Variants in SLC17A8 observed in about 807,000 individuals in gnomAD.
The protein encoded by SLC17A8 is solute carrier family 17 member 8, also known as vesicular glutamate transporter 3.
Under a neutral mutation model 58.0 loss-of-function variants are expected in SLC17A8, and 31 were observed. The observed-to-expected ratio is 0.53, with a 90% CI of 0.40 to 0.72. The LOEUF (loss-of-function observed/expected upper bound fraction) is 0.72. Ranked by LOEUF, SLC17A8 falls within the 30% of genes least tolerant of loss-of-function variation. The pLI, the probability that SLC17A8 is intolerant of heterozygous loss-of-function variation, is 0.00. For synonymous variants in SLC17A8, 228 were observed against 249.0 expected (o/e 0.92, Z 0.79); for missense variants, 655 against 727.8 (o/e 0.90, Z 1.15).
In SLC17A8 at chr12:100,380,848, G is replaced by T. The variant is rs936789110; in HGVS notation, c.249G>T (p.Gly83=). Residue 83 remains glycine (G), a synonymous_variant, in exon 2 of 12, where the codon GGG becomes GGT. Transcript: ENST00000323346. The part of the protein sequence containing the change: ...PKRYIIAIMS[G]LGFCISFGIR... Reference sequence around the variant, plus strand: ...GTTACATCATTGCTATCATGAGTGGGCTGGGATTCTGCATTTCCTTTGGGA... The same window carrying T: ...GTTACATCATTGCTATCATGAGTGGTCTGGGATTCTGCATTTCCTTTGGGA... The T allele has an allele frequency of 2.5e-6, 4 of 1,614,146 alleles. No individual in the cohort carries two copies. Among genetic ancestry groups the T allele is most frequent in the Non-Finnish European group, 3.4e-6 (4 of 1,180,048 alleles).
chr12:100,382,030 G>C (rs1323517492), intron 2 of SLC17A8, among the ~76,000 whole-genome samples: 1 of 152,214 alleles, frequency 6.6e-6, no homozygotes, highest in African/African-American at 2.4e-5. Context: ...TTTTGGTTAA[G>C]AGTGAAAATA....
At chr12:100,404,493 G>A (rs1952812857) in intron 9 of SLC17A8, 21 of 279,678 alleles carry the variant, frequency 7.5e-5, no homozygotes, top group South Asian at 6.5e-4. Context: ...GCTTGTGCAT[G>A]GGATATATGC....
At chr12:100,407,694 C>T (rs1003600529) in intron 9 of SLC17A8, among the ~76,000 whole-genome samples, 40 of 152,114 alleles carry the variant, frequency 2.6e-4, no homozygotes, top group Non-Finnish European at 1.3e-4. Context: ...CAAGTTCCGC[C>T]TCCCAGGTTC....
chr12:100,418,211 A>T (rs1952921241), intron 11 of SLC17A8, 55 bp downstream of exon 11: 1 of 1,611,318 alleles, frequency 6.2e-7, no homozygotes, highest in Admixed American at 1.7e-5. Flanking sequence ...GGAGCTCTAC[A>T]CAAACTTGAG....
At chr12:100,397,233 C>T (rs1042379835) in intron 5 of SLC17A8, among the ~76,000 whole-genome samples, 6 of 152,138 alleles carry the variant, frequency 3.9e-5, no homozygotes, top group African/African-American at 7.2e-5. Flanking sequence ...AAGCATCCCA[C>T]GCCTCTTCTT....
chr12:100,412,725 C>T lies in SLC17A8; in HGVS notation c.1187-45C>T, dbSNP rs11568536. 558,416 of 1,255,040 alleles carry T rather than the reference C, an allele frequency of 0.44. 127,190 individuals carry two copies. The highest frequency in any genetic ancestry group is 0.47 in the Non-Finnish European group (399,902 of 852,624). 77.7% of individuals were successfully genotyped at this position (1,255,040 alleles called of 1,614,324 possible). ...GATAAATAAATGAACTTGGGTTGAC[C>T]GATATGAAAATGACATTTTTTTCCC... On this transcript the variant is annotated intron_variant, in intron 9 of 11. Coordinates refer to ENST00000323346, the MANE Select transcript of SLC17A8 (RefSeq NM_139319.3).
chr12:100,403,987 C>A (rs760694964), intron 8 of SLC17A8, 51 bp from the exon 9 acceptor site: 3 of 1,611,028 alleles, frequency 1.9e-6, no homozygotes, highest in Non-Finnish European at 8.5e-7. Flanking sequence ...ATTAGGGAGG[C>A]CCCTCTCTCA....
At chr12:100,364,873 T>A in intron 1 of SLC17A8, among the ~76,000 whole-genome samples, 1 of 152,372 alleles carries the variant, frequency 6.6e-6, no homozygotes, top group African/African-American at 2.4e-5. Context: ...CCCCTCACTG[T>A]CCTTCAGGGC....
At chr12:100,371,132 T>G (rs1274596664) in intron 1 of SLC17A8, among the ~76,000 whole-genome samples, 2 of 152,198 alleles carry the variant, frequency 1.3e-5, no homozygotes, top group Non-Finnish European at 2.9e-5. Flanking sequence ...TTCTCCTTCC[T>G]TTCTTTAAAA....
chr12:100,379,642 A>G (rs1361925604), intron 1 of SLC17A8, among the ~76,000 whole-genome samples: 1 of 152,202 alleles, frequency 6.6e-6, no homozygotes, highest in Non-Finnish European at 1.5e-5. Flanking sequence ...GAAAGATGAC[A>G]ATAAGTAAGA....
chr12:100,399,615 G>A (rs1207359013), intron 5 of SLC17A8, among the ~76,000 whole-genome samples: 1 of 151,590 alleles, frequency 6.6e-6, no homozygotes, highest in Non-Finnish European at 1.5e-5. Context: ...GAAGGGGAAG[G>A]TGCCACACTT....
At chr12:100,403,974 G>A in intron 8 of SLC17A8, 64 bp from the exon 9 acceptor site, 1 of 1,599,454 alleles carries the variant, frequency 6.3e-7, no homozygotes, top group Non-Finnish European at 8.6e-7. Context: ...GGTGGGCAAG[G>A]GAATTAGGGA....
chr12:100,372,819 C>T (rs561564152), intron 1 of SLC17A8, among the ~76,000 whole-genome samples: 1 of 152,178 alleles, frequency 6.6e-6, no homozygotes, highest in African/African-American at 2.4e-5. Flanking sequence ...CCTGCCTCAG[C>T]GTCCCAAACT....
intron 1 of SLC17A8, among the ~76,000 whole-genome samples, chr12:100,379,842 C>A (rs898062915): frequency 6.6e-6 from 1 of 152,000 alleles, no homozygotes. Flanking sequence ...GATATACAAC[C>A]AAATGGGTGT....
intron 1 of SLC17A8, among the ~76,000 whole-genome samples, chr12:100,367,646 G>T (rs1301272802): frequency 6.6e-6 from 1 of 152,128 alleles, no homozygotes; most frequent in Non-Finnish European, 1.5e-5. Context: ...AACCTCCCAG[G>T]CTCAAGTGAT....
At chr12:100,379,165 G>A (rs566641835) in intron 1 of SLC17A8, among the ~76,000 whole-genome samples, 6 of 151,218 alleles carry the variant, frequency 4.0e-5, no homozygotes, top group African/African-American at 7.3e-5. Context: ...TGCCGGGGGC[G>A]GTGGCTCACG....
intron 9 of SLC17A8, 164 bp downstream of exon 9, chr12:100,404,334 C>A: frequency 2.4e-6 from 2 of 837,462 alleles, no homozygotes; most frequent in South Asian, 1.5e-5. Context: ...CACAGTGCTG[C>A]CAAGAGGTCA....
intron 9 of SLC17A8, among the ~76,000 whole-genome samples, chr12:100,404,907 C>G (rs1485676517): frequency 6.6e-6 from 1 of 152,214 alleles, no homozygotes; most frequent in East Asian, 1.9e-4. Flanking sequence ...ACCGCCAAAG[C>G]TCTTAGTTTG....
At chr12:100,391,673 G>A (rs970960750) in intron 3 of SLC17A8, among the ~76,000 whole-genome samples, 5 of 152,150 alleles carry the variant, frequency 3.3e-5, no homozygotes, top group Non-Finnish European at 5.9e-5. Context: ...AAGTGATTAT[G>A]TGGTAAAAAG....
Sources: allele counts gnomAD v4.1 joint callset (sites outside exome capture counted in the v4.1 genomes callset), GRCh38; gene constraint gnomAD v4.1.1; transcripts MANE v1.5; gene names NCBI Gene and HGNC (gene_info 2026-07-23, HGNC 2026-07-21).